Variants in KIAA1958 observed in about 807,000 individuals in gnomAD.
KIAA1958 encodes the protein KIAA1958, also known as uncharacterized protein KIAA1958.
In KIAA1958, 14 loss-of-function variants were observed where a neutral mutation model predicts 47.2. The ratio of observed to expected loss-of-function variants is 0.30; its 90% CI spans 0.20 to 0.46. KIAA1958 has a LOEUF of 0.46. Among genes scored for constraint, KIAA1958 ranks in the 20% least tolerant of loss-of-function variants. KIAA1958 has a pLI of 1.00. For missense variants in KIAA1958, 803 were observed against 909.2 expected, an observed-to-expected ratio of 0.88 and a Z score of 1.50; for synonymous variants, 354 against 353.3, an observed-to-expected ratio of 1.00 and a Z score of -0.02.
chr9:112,511,288 G>C (rs1445089513), intron 1 of KIAA1958, among the ~76,000 whole-genome samples: 13 of 152,182 alleles, frequency 8.5e-5, no homozygotes, highest in Non-Finnish European at 1.5e-5. Flanking sequence ...CAGAAACTCT[G>C]GGGGTGAGGG....
chr9:112,503,616 C>CAAA (rs762669967), intron 1 of KIAA1958, among the ~76,000 whole-genome samples: 29 of 106,194 alleles, frequency 2.7e-4, no homozygotes, highest in East Asian at 2.0e-3. Context: ...GACCCTGTCT[C>CAAA]AAAAAAAAAA....
chr9:112,509,004 A>T (rs1834278028), intron 1 of KIAA1958, among the ~76,000 whole-genome samples: 1 of 152,224 alleles, frequency 6.6e-6, no homozygotes, highest in South Asian at 2.1e-4. Context: ...CATTTCAACA[A>T]ATAGCTGACT....
Position 112,668,435 on chromosome 9 carries a change from A to G in KIAA1958, c.*8366A>G, listed in dbSNP as rs112527614. 1.3e-5 allele frequency: 2 copies of G among 152,382 alleles called. No individual in the cohort carries two copies. The highest frequency in any genetic ancestry group is 4.8e-5 in the African/African-American group (2 of 41,596). The allele number at this position is 152,382 out of a possible 1,614,324, so 9.4% of individuals were successfully genotyped here. A position where few individuals can be genotyped will look rare whatever the true frequency, so the allele number is the denominator to read the frequency against. On this transcript the variant is annotated 3_prime_UTR_variant, in exon 4 of 4. Coordinates refer to ENST00000337530, the MANE Select transcript of KIAA1958 (RefSeq NM_133465.4). ...TGAAGTTTTATGGAACGCCATTTAA[A>G]TTCAGACATCAAGGGAATGAATGCA...
intron 1 of KIAA1958, among the ~76,000 whole-genome samples, chr9:112,555,561 A>G (rs933268362): frequency 2.0e-5 from 3 of 152,252 alleles, no homozygotes; most frequent in Non-Finnish European, 4.4e-5. Flanking sequence ...TCCAAGATCA[A>G]GATTCCAGCA....
chr9:112,634,816 A>G (rs1836775887), intron 2 of KIAA1958, among the ~76,000 whole-genome samples: 1 of 152,160 alleles, frequency 6.6e-6, no homozygotes, highest in Non-Finnish European at 1.5e-5. Flanking sequence ...GATTTTGATC[A>G]ATCTTTTACT....
At chr9:112,635,378 T>C (rs1836788763) in intron 2 of KIAA1958, among the ~76,000 whole-genome samples, 1 of 151,996 alleles carries the variant, frequency 6.6e-6, no homozygotes, top group Non-Finnish European at 1.5e-5. Context: ...AGCCTCCAAG[T>C]AGCTGAGACC....
chr9:112,621,523 A>G (rs1442203395), intron 2 of KIAA1958, among the ~76,000 whole-genome samples: 4 of 152,216 alleles, frequency 2.6e-5, no homozygotes, highest in African/African-American at 2.4e-5. Context: ...TCAGTTCCCT[A>G]TCTGTGTTTA....
intron 2 of KIAA1958, among the ~76,000 whole-genome samples, chr9:112,606,509 A>G (rs193126862): frequency 2.8e-4 from 43 of 152,326 alleles, no homozygotes; most frequent in Admixed American, 2.0e-3. Context: ...ATCTCAATGC[A>G]TATATTTCTC....
intron 1 of KIAA1958, among the ~76,000 whole-genome samples, chr9:112,533,881 G>A (rs539736657): frequency 6.6e-6 from 1 of 152,272 alleles, no homozygotes; most frequent in South Asian, 2.1e-4. Flanking sequence ...TACAATTCAA[G>A]CTGAGATTTT....
intron 1 of KIAA1958, among the ~76,000 whole-genome samples, chr9:112,571,352 G>A (rs531460838): frequency 6.6e-6 from 1 of 152,166 alleles, no homozygotes; most frequent in Non-Finnish European, 1.5e-5. Context: ...GCTATCCTAT[G>A]ATTGTGATTT....
At chr9:112,565,449 G>A (rs1043043222) in intron 1 of KIAA1958, among the ~76,000 whole-genome samples, 1 of 152,174 alleles carries the variant, frequency 6.6e-6, no homozygotes, top group African/African-American at 2.4e-5. Flanking sequence ...CTCTGTAAGT[G>A]TCTTATCCAA....
intron 1 of KIAA1958, among the ~76,000 whole-genome samples, chr9:112,548,413 T>C (rs1835080349): frequency 6.6e-6 from 1 of 152,186 alleles, no homozygotes; most frequent in South Asian, 2.1e-4. Context: ...CCCTAAAATG[T>C]ATGAAACCAG....
rs1836965220 is a variant in KIAA1958, at chr9:112,645,793, G to GTTATT, written c.1315_1316insTTATT (p.Gly439ValfsTer16). Reference sequence around the variant, plus strand: ...GTGGCGTTATTGGTGCATGACCAACGGGCTCAAAGACCACACAGACATCAC... The same window carrying GTTATT: ...GTGGCGTTATTGGTGCATGACCAACGTTATTGGCTCAAAGACCACACAGACATCAC... On this transcript the variant is annotated frameshift_variant, in exon 3 of 4. Transcript: ENST00000337530. LOFTEE classifies it high-confidence loss of function. 6.2e-7 allele frequency: 1 copy of GTTATT among 1,613,494 alleles called. No homozygotes were observed. Among genetic ancestry groups the GTTATT allele is most frequent in the Non-Finnish European group, 8.5e-7 (1 of 1,179,874 alleles).
At position 112,574,960 on chromosome 9, in the gene KIAA1958, A is replaced by G. The variant is rs1835616665; in HGVS notation, c.880A>G (p.Arg294Gly). The G allele has an allele frequency of 6.2e-7, 1 of 1,614,014 alleles. No individual in the cohort carries two copies. The highest frequency in any genetic ancestry group is 1.7e-5 in the Admixed American group (1 of 59,996). ...TAGGGTATCTCTGGCTTCACCAAAC[A>G]GAGGACCCCCTGGTACACATGGCAC... The part of the protein sequence containing the change: ...TARVSLASPN[R>G]GPPGTHGTNQ... Residue 294 changes from arginine to glycine, a missense_variant, in exon 2 of 4, where the codon AGA (arginine) becomes GGA (glycine). Arg to Gly is a moderately radical substitution (Grantham distance 125, BLOSUM62 -2). This residue lies in a region of KIAA1958 where 761 missense variants were observed against 829.3 expected (regional missense o/e 0.92). Transcript: ENST00000337530.
intron 1 of KIAA1958, among the ~76,000 whole-genome samples, chr9:112,547,635 G>T (rs1835063029): frequency 6.6e-6 from 1 of 152,052 alleles, no homozygotes; most frequent in South Asian, 2.1e-4. Context: ...CACGACAGAA[G>T]GCGCTGAAAG....
chr9:112,588,364 C>T (rs1835865290), intron 2 of KIAA1958, among the ~76,000 whole-genome samples: 1 of 152,108 alleles, frequency 6.6e-6, no homozygotes, highest in African/African-American at 2.4e-5. Flanking sequence ...TGACTTAATC[C>T]ATGTAAAGGG....
chr9:112,557,674 A>G (rs1017939710), intron 1 of KIAA1958, among the ~76,000 whole-genome samples: 10 of 152,330 alleles, frequency 6.6e-5, no homozygotes, highest in African/African-American at 2.4e-4. Flanking sequence ...AGCAAGGGCG[A>G]TGAGCCAGTG....
intron 1 of KIAA1958, among the ~76,000 whole-genome samples, chr9:112,535,431 C>A (rs1834836735): frequency 6.6e-6 from 1 of 151,998 alleles, no homozygotes; most frequent in Admixed American, 6.6e-5. Flanking sequence ...TTTTTTAAGG[C>A]TTATTAGCAG....
intron 1 of KIAA1958, among the ~76,000 whole-genome samples, chr9:112,560,199 TTTTTTTTTC>T (rs1363588215): frequency 2.3e-5 from 2 of 86,310 alleles, no homozygotes; most frequent in Non-Finnish European, 2.4e-5. Context: ...TTTCTTTTTC[TTTTTTTTTC>T]TTTTTTTGAA....
Sources: allele counts gnomAD v4.1 joint callset (sites outside exome capture counted in the v4.1 genomes callset), GRCh38; gene constraint gnomAD v4.1.1; regional missense constraint gnomAD v4.1.1; transcripts MANE v1.5; gene names NCBI Gene and HGNC (gene_info 2026-07-23, HGNC 2026-07-21).